SUGCT: variants seen among roughly 807,000 people sequenced by gnomAD.
SUGCT encodes succinyl-CoA:glutarate CoA-transferase.
Under a neutral mutation model 55.0 loss-of-function variants are expected in SUGCT, and 41 were observed. The ratio of observed to expected loss-of-function variants is 0.74; its 90% CI spans 0.58 to 0.97. The LOEUF (loss-of-function observed/expected upper bound fraction) is 0.97, where lower values mean the gene tolerates loss of function less well. SUGCT is among the 50% of genes least tolerant of loss of function. The pLI is 0.00. For missense variants in SUGCT, 568 were observed against 547.8 expected (o/e 1.04, Z -0.37); for synonymous variants, 187 against 200.4 (o/e 0.93, Z 0.56).
chr7:40,147,458 G>A (rs1050509376), intron 1 of SUGCT, among the ~76,000 whole-genome samples: 2 of 152,134 alleles, frequency 1.3e-5, no homozygotes, highest in Non-Finnish European at 2.9e-5. Context: ...CCCTAGTCCC[G>A]ACTAAGGAAT....
At chr7:40,492,207 C>T (rs867639312) in intron 11 of SUGCT, among the ~76,000 whole-genome samples, 1 of 151,752 alleles carries the variant, frequency 6.6e-6, no homozygotes, top group African/African-American at 2.4e-5. Flanking sequence ...TTCAGAGGCT[C>T]GGGAGTGATG....
At chr7:41,033,471 T>G in the SUGCT span, among the ~76,000 whole-genome samples, 1 of 152,174 alleles carries the variant, frequency 6.6e-6, no homozygotes, top group Non-Finnish European at 1.5e-5. Flanking sequence ...CCCAAACATG[T>G]TAACTCATCC....
chr7:40,746,418 C>T (rs560952936), intron 12 of SUGCT, among the ~76,000 whole-genome samples: 1 of 152,230 alleles, frequency 6.6e-6, no homozygotes, highest in South Asian at 2.1e-4. Context: ...TTGGCGGCAA[C>T]CAAGCAGGGG....
chr7:40,796,941 G>A (rs1245236917), intron 13 of SUGCT, among the ~76,000 whole-genome samples: 1 of 152,170 alleles, frequency 6.6e-6, no homozygotes, highest in East Asian at 1.9e-4. Context: ...GGAGAAGCCA[G>A]GCACAATCTG....
chr7:40,637,647 G>A (rs1218926457), intron 12 of SUGCT, among the ~76,000 whole-genome samples: 1 of 152,232 alleles, frequency 6.6e-6, no homozygotes, highest in Non-Finnish European at 1.5e-5. Context: ...GAACACCACA[G>A]CTTAGTCTCT....
At chr7:40,506,412 C>T (rs747386321) in intron 12 of SUGCT, among the ~76,000 whole-genome samples, 30 of 151,808 alleles carry the variant, frequency 2.0e-4, no homozygotes, top group Non-Finnish European at 2.4e-4. Context: ...TATTTTGCTC[C>T]TCTGTTCAAG....
the SUGCT span, among the ~76,000 whole-genome samples, chr7:40,953,591 C>T: frequency 2.6e-5 from 4 of 152,058 alleles, no homozygotes; most frequent in Non-Finnish European, 5.9e-5. Flanking sequence ...TTTTATCTAC[C>T]TTTGGTCTTT....
At chr7:40,717,923 CCTCTT>C (rs1477026920) in intron 12 of SUGCT, among the ~76,000 whole-genome samples, 2 of 103,490 alleles carry the variant, frequency 1.9e-5, no homozygotes, top group African/African-American at 6.0e-5. Context: ...AGTATATTCT[CCTCTT>C]CTTCTTTATT....
the SUGCT span, among the ~76,000 whole-genome samples, chr7:40,867,959 T>C: frequency 6.6e-6 from 1 of 152,188 alleles, no homozygotes; most frequent in African/African-American, 2.4e-5. Flanking sequence ...GCCTACTCTA[T>C]AGGAGATACA....
intron 11 of SUGCT, among the ~76,000 whole-genome samples, chr7:40,477,569 C>CA (rs774263157): frequency 3.3e-5 from 5 of 152,012 alleles, no homozygotes; most frequent in Non-Finnish European, 7.4e-5. Flanking sequence ...TTCTGTATAC[C>CA]ATTTTCATGT....
intron 12 of SUGCT, among the ~76,000 whole-genome samples, chr7:40,552,012 G>A (rs1279798202): frequency 6.6e-6 from 1 of 152,116 alleles, no homozygotes; most frequent in African/African-American, 2.4e-5. Context: ...TAAGGATCCC[G>A]ATTTTCTAGA....
chr7:40,487,580 T>C (rs1221124321), intron 11 of SUGCT, among the ~76,000 whole-genome samples: 1 of 152,082 alleles, frequency 6.6e-6, no homozygotes, highest in African/African-American at 2.4e-5. Flanking sequence ...TCTGTCTAGA[T>C]GATATGTTTA....
the SUGCT span, among the ~76,000 whole-genome samples, chr7:40,924,295 T>TGTGTGTGTGTGTGTGTGTGG: frequency 6.7e-6 from 1 of 149,174 alleles, no homozygotes. Context: ...TGTGTGTGTG[T>TGTGTGTGTGTGTGTGTGTGG]AGTGGCATGA....
chr7:40,867,956 C>T, the SUGCT span, among the ~76,000 whole-genome samples: 3 of 152,170 alleles, frequency 2.0e-5, no homozygotes, highest in African/African-American at 7.2e-5. Flanking sequence ...AGCGCCTACT[C>T]TATAGGAGAT....
intron 12 of SUGCT, among the ~76,000 whole-genome samples, chr7:40,610,595 C>A (rs938474195): frequency 6.6e-6 from 1 of 152,138 alleles, no homozygotes; most frequent in Non-Finnish European, 1.5e-5. Context: ...TTCAGACATT[C>A]GACTTGTAAC....
At chr7:40,337,335 G>A (rs186871418) in intron 9 of SUGCT, among the ~76,000 whole-genome samples, 5 of 152,298 alleles carry the variant, frequency 3.3e-5, no homozygotes, top group Admixed American at 1.3e-4. Flanking sequence ...TCTGTCTAAT[G>A]TTGACAGTGG....
chr7:40,508,899 A>G (rs1451792178), intron 12 of SUGCT, among the ~76,000 whole-genome samples: 1 of 151,962 alleles, frequency 6.6e-6, no homozygotes. Context: ...GTTATTTCCT[A>G]CACCCTCAAG....
chr7:40,739,156 T>C (rs1391155710), intron 12 of SUGCT, among the ~76,000 whole-genome samples: 1 of 152,186 alleles, frequency 6.6e-6, no homozygotes, highest in Non-Finnish European at 1.5e-5. Flanking sequence ...TTGAGGGCAT[T>C]GACATTGATA....
chr7:40,169,529 T>C (rs1442426648), intron 1 of SUGCT, among the ~76,000 whole-genome samples: 3 of 152,218 alleles, frequency 2.0e-5, no homozygotes, highest in Admixed American at 1.3e-4. Context: ...GACTCAGGAC[T>C]GTCCCCTAGG....
Sources: gnomAD v4.1 joint callset for allele counts (sites outside exome capture counted in the v4.1 genomes callset) on GRCh38, gnomAD v4.1.1 for gene constraint, MANE v1.5 for transcripts, NCBI Gene and HGNC (gene_info 2026-07-23, HGNC 2026-07-21) for gene names.